The following CRTAC1 variants were observed in gnomAD, a reference collection of about 807,000 sequenced individuals.
CRTAC1 encodes the protein acidic secreted protein in cartilage.
In CRTAC1, 37 loss-of-function variants were observed where a neutral mutation model predicts 67.8. The observed-to-expected ratio is 0.55, with a 90% CI of 0.42 to 0.72. The LOEUF is 0.72. CRTAC1 is among the 30% of genes least tolerant of loss of function. CRTAC1 has a pLI of 0.00. For missense variants in CRTAC1, 780 were observed against 931.6 expected (o/e 0.84, Z 2.12); for synonymous variants, 348 against 371.0 (o/e 0.94, Z 0.71).
intron 2 of CRTAC1, among the ~76,000 whole-genome samples, chr10:97,941,764 A>G (rs896034416): frequency 6.6e-6 from 1 of 151,974 alleles, no homozygotes; most frequent in African/African-American, 2.4e-5. Context: ...GCCTCACTTG[A>G]CCGTCCCCTA....
At chr10:97,966,181 CAATT>C (rs1186476674) in intron 2 of CRTAC1, among the ~76,000 whole-genome samples, 15 of 152,332 alleles carry the variant, frequency 9.8e-5, no homozygotes, top group African/African-American at 3.6e-4. Flanking sequence ...TGGGTTCAAG[CAATT>C]CTCATGCCTC....
chr10:97,916,344 G>A (rs531661963), intron 5 of CRTAC1, among the ~76,000 whole-genome samples: 3 of 152,264 alleles, frequency 2.0e-5, no homozygotes, highest in East Asian at 1.9e-4. Context: ...CTTCACGCGC[G>A]GAGCTCTCAG....
At chr10:97,990,854 G>T (rs188975988) in intron 2 of CRTAC1, among the ~76,000 whole-genome samples, 1 of 152,080 alleles carries the variant, frequency 6.6e-6, no homozygotes, top group East Asian at 1.9e-4. Flanking sequence ...AGGAAACTAA[G>T]TAAAATACAA....
chr10:98,030,467 A>G lies in CRTAC1; in HGVS notation c.6T>C (p.Ala2=). The part of the protein sequence containing the change: M[A]PSADPGMSRM... Reference sequence around the variant, plus strand: ...TACTCACGCCGGGGTCAGCGCTCGGAGCCATCCTCCCGCTCTCGGCCCCGC... The same window carrying G: ...TACTCACGCCGGGGTCAGCGCTCGGGGCCATCCTCCCGCTCTCGGCCCCGC... The change falls in exon 1 of 15, where the codon GCT becomes GCC. Residue 2 remains alanine (A), a synonymous_variant. Coordinates refer to ENST00000370597, the MANE Select transcript of CRTAC1 (RefSeq NM_018058.7). This position sits in a 1 kb window ranked among gnomAD's most constrained non-coding sequence, Gnocchi z 4.2. 8.0e-7 allele frequency: 1 copy of G among 1,249,046 alleles called. No homozygotes were observed. The highest frequency in any genetic ancestry group is 1.0e-6 in the Non-Finnish European group (1 of 988,920). 77.4% of individuals were successfully genotyped at this position (1,249,046 alleles called of 1,614,324 possible). A position where few individuals can be genotyped will look rare whatever the true frequency, so the allele number is the denominator to read the frequency against.
chr10:97,911,186 C>A (rs2050683862), intron 5 of CRTAC1, among the ~76,000 whole-genome samples: 1 of 152,262 alleles, frequency 6.6e-6, no homozygotes, highest in South Asian at 2.1e-4. Flanking sequence ...CCAGGTGGGA[C>A]TCAGGCACTT....
At chr10:97,950,242 CACACAGAG>C (rs1207794726) in intron 2 of CRTAC1, among the ~76,000 whole-genome samples, 2,339 of 117,248 alleles carry the variant, frequency 0.02, 63 homozygotes, top group African/African-American at 0.069. Context: ...TGCACACACA[CACACAGAG>C]AGAGAGAGAG....
At chr10:97,873,788 C>T (rs181291934) in intron 14 of CRTAC1, among the ~76,000 whole-genome samples, 63 of 152,340 alleles carry the variant, frequency 4.1e-4, no homozygotes, top group African/African-American at 1.4e-3. Flanking sequence ...CTGGGCGGGA[C>T]GTTCTGGGAA....
chr10:97,918,499 C>T (rs2050790425), intron 4 of CRTAC1, among the ~76,000 whole-genome samples: 1 of 152,228 alleles, frequency 6.6e-6, no homozygotes, highest in African/African-American at 2.4e-5. Context: ...TCCTTTTCAT[C>T]ACTTCCCTCC....
chr10:97,898,420 C>T (rs1338971214), intron 8 of CRTAC1, among the ~76,000 whole-genome samples: 3 of 152,176 alleles, frequency 2.0e-5, no homozygotes, highest in African/African-American at 4.8e-5. Context: ...TGAGTGAGCA[C>T]ATGTCGCTCA....
intron 8 of CRTAC1, among the ~76,000 whole-genome samples, chr10:97,899,830 C>A (rs936505780): frequency 2.0e-5 from 3 of 152,176 alleles, no homozygotes; most frequent in African/African-American, 7.2e-5. Flanking sequence ...CCCTGGCACA[C>A]CCTCCTTTCC....
chr10:97,910,614 T>C (rs964432110), intron 5 of CRTAC1, among the ~76,000 whole-genome samples: 1 of 152,232 alleles, frequency 6.6e-6, no homozygotes, highest in African/African-American at 2.4e-5. Flanking sequence ...CAGGCCCGCC[T>C]CTGGATGGGG....
rs562071678 is a variant in CRTAC1 at position 97,946,163 on chromosome 10, G to C, written c.225-9797C>G. 1.2e-4 allele frequency among the ~76,000 whole-genome samples: 18 copies of C among 152,330 alleles called. No individual in the cohort carries two copies. In the South Asian group the frequency reaches 3.3e-3, roughly 28 times the overall value. ...AGGGAGTCAGGAATTCCCATAAACT[G>C]TCAAAGAAGGGATTCAGGTGACAGA... is the stretch of plus-strand genomic sequence containing the variant. On this transcript the variant is annotated intron_variant, in intron 2 of 14. Transcript: ENST00000370597.
chr10:97,995,527 G>T lies in CRTAC1; in HGVS notation c.224+15611C>A, dbSNP rs189173364. Reference sequence around the variant, plus strand: ...TAAGTCTATTTTTCTGTTTCCAATGGTATGCAGACCTCTGAAGGACCCTAC... The same window carrying T: ...TAAGTCTATTTTTCTGTTTCCAATGTTATGCAGACCTCTGAAGGACCCTAC... On this transcript the variant is annotated intron_variant, in intron 2 of 14. Coordinates refer to ENST00000370597, the MANE Select transcript of CRTAC1 (RefSeq NM_018058.7). Among the ~76,000 whole-genome samples the T allele has an allele frequency of 2.3e-3, 350 of 152,196 alleles. 1 individual carries two copies. The highest frequency in any genetic ancestry group is 3.8e-3 in the Non-Finnish European group (259 of 68,020).
intron 11 of CRTAC1, among the ~76,000 whole-genome samples, chr10:97,888,807 A>T (rs926144655): frequency 1.3e-5 from 2 of 152,118 alleles, no homozygotes; most frequent in African/African-American, 4.8e-5. Context: ...GCCCCCCATT[A>T]ACCAGCAGAG....
chr10:98,005,016 T>G (rs867656504), intron 2 of CRTAC1, among the ~76,000 whole-genome samples: 2 of 147,664 alleles, frequency 1.4e-5, no homozygotes, highest in African/African-American at 5.0e-5. Flanking sequence ...GATTTTTACC[T>G]TGACCTAGGT....
intron 2 of CRTAC1, among the ~76,000 whole-genome samples, chr10:97,991,837 G>T (rs1842465023): frequency 6.6e-6 from 1 of 152,156 alleles, no homozygotes; most frequent in Non-Finnish European, 1.5e-5. Context: ...GTGTTTAAAA[G>T]ATTGATTTAG....
chr10:97,960,665 G>C (rs1459434411), intron 2 of CRTAC1, among the ~76,000 whole-genome samples: 1 of 152,230 alleles, frequency 6.6e-6, no homozygotes, highest in African/African-American at 2.4e-5. Flanking sequence ...CCTGGACAGA[G>C]CCTTTCTTCC....
chr10:98,002,761 C>CTGTTTTTTTTTTTTTTTTT (rs771351655), intron 2 of CRTAC1, among the ~76,000 whole-genome samples: 3 of 37,268 alleles, frequency 8.0e-5, no homozygotes, highest in African/African-American at 2.4e-4. Context: ...ACAAAACTCA[C>CTGTTTTTTTTTTTTTTTTT]TTTTTTTTTT....
chr10:97,919,346 G>T (rs1001568078), intron 4 of CRTAC1, among the ~76,000 whole-genome samples: 1 of 152,176 alleles, frequency 6.6e-6, no homozygotes, highest in South Asian at 2.1e-4. Context: ...TTTCTTAAAG[G>T]AGTCTCAGTC....
Sources: gnomAD v4.1 joint callset for allele counts (sites outside exome capture counted in the v4.1 genomes callset) on GRCh38, gnomAD v4.1.1 for gene constraint, Gnocchi (gnomAD v3.1) non-coding constraint, MANE v1.5 for transcripts, NCBI Gene and HGNC (gene_info 2026-07-23, HGNC 2026-07-21) for gene names.